PPM1B: variants seen among roughly 807,000 people sequenced by gnomAD.
PPM1B encodes protein phosphatase, Mg2+/Mn2+ dependent 1B.
Under a neutral mutation model 43.0 loss-of-function variants are expected in PPM1B, and 22 were observed. That is an observed-to-expected ratio of 0.51 (90% CI 0.37 to 0.73). The LOEUF is 0.73. Ranked by LOEUF, PPM1B falls within the 30% of genes least tolerant of loss-of-function variation. The pLI, the probability that PPM1B is intolerant of heterozygous loss-of-function variation, is 0.00. For synonymous variants in PPM1B, 217 were observed against 197.9 expected (o/e 1.10, Z -0.81); for missense variants, 632 against 584.2 (o/e 1.08, Z -0.84).
chr2:44,213,253 G>A (rs778469224), intron 3 of PPM1B, among the ~76,000 whole-genome samples: 1 of 150,014 alleles, frequency 6.7e-6, no homozygotes, highest in East Asian at 1.9e-4. Flanking sequence ...TCTTTTCTTT[G>A]TGGGAGGACT....
At chr2:44,228,733 C>G (rs572736088) in intron 5 of PPM1B, among the ~76,000 whole-genome samples, 1 of 152,144 alleles carries the variant, frequency 6.6e-6, no homozygotes, top group Non-Finnish European at 1.5e-5. Context: ...TATATTGTCT[C>G]TCTAGATTCA....
chr2:44,201,351 A>G lies in PPM1B; in HGVS notation c.152A>G (p.Glu51Gly), dbSNP rs1572714946. 1 of 1,614,128 alleles carries G rather than the reference A, an allele frequency of 6.2e-7. No homozygotes were observed. The highest frequency in any genetic ancestry group is 8.5e-7 in the Non-Finnish European group (1 of 1,180,010). Residue 51 changes from glutamate to glycine, a missense_variant, in exon 2 of 6, where the codon GAA (glutamate) becomes GGA (glycine). Coordinates refer to ENST00000282412, the MANE Select transcript of PPM1B (RefSeq NM_002706.6). This position sits in a 1 kb window ranked among gnomAD's most constrained non-coding sequence, Gnocchi z 5.4. ...TAVVGIPHGL[E>G]DWSFFAVYDG... Reference sequence around the variant, plus strand: ...GTTGTAGGTATTCCTCACGGCTTGGAAGACTGGTCATTTTTTGCAGTTTAT... The same window carrying G: ...GTTGTAGGTATTCCTCACGGCTTGGGAGACTGGTCATTTTTTGCAGTTTAT...
intron 1 of PPM1B, among the ~76,000 whole-genome samples, chr2:44,200,258 G>A (rs577253499): frequency 6.6e-6 from 1 of 152,308 alleles, no homozygotes; most frequent in African/African-American, 2.4e-5. Context: ...AGAGTGTAGG[G>A]TTAGCATTGT....
intron 3 of PPM1B, among the ~76,000 whole-genome samples, chr2:44,216,728 C>A (rs189185944): frequency 7.9e-5 from 12 of 151,788 alleles, no homozygotes; most frequent in Admixed American, 6.6e-5. Context: ...GAATTCAAGA[C>A]CAGCCTGGCC....
At chr2:44,236,749 C>A (rs150514583), downstream of PPM1B, among the ~76,000 whole-genome samples, 102 of 152,172 alleles carry the variant, frequency 6.7e-4, no homozygotes, top group African/African-American at 2.2e-3. Context: ...TTTTGCTGAC[C>A]AAATATTATT....
intron 1 of PPM1B, among the ~76,000 whole-genome samples, chr2:44,175,766 A>G (rs1667553549): frequency 6.6e-6 from 1 of 151,654 alleles, no homozygotes; most frequent in Non-Finnish European, 1.5e-5. Flanking sequence ...TGTGCCTTAG[A>G]GAAAGACATT....
At chr2:44,179,585 A>G (rs181131455) in intron 1 of PPM1B, among the ~76,000 whole-genome samples, 1 of 152,326 alleles carries the variant, frequency 6.6e-6, no homozygotes, top group East Asian at 1.9e-4. Flanking sequence ...AAAATCTTAC[A>G]GGCATAAATA....
downstream of PPM1B, chr2:44,232,282 A>G: frequency 6.3e-7 from 1 of 1,598,950 alleles, no homozygotes; most frequent in African/African-American, 1.4e-5. Flanking sequence ...TGGCATAGGT[A>G]AATAATAATA....
At chr2:44,170,624 T>C (rs1209493319) in intron 1 of PPM1B, among the ~76,000 whole-genome samples, 1 of 152,226 alleles carries the variant, frequency 6.6e-6, no homozygotes, top group African/African-American at 2.4e-5. Flanking sequence ...TGAATGTTAA[T>C]AGATGTTATT....
intron 5 of PPM1B, among the ~76,000 whole-genome samples, chr2:44,227,623 A>G (rs1307205883): frequency 2.6e-5 from 4 of 151,228 alleles, no homozygotes; most frequent in African/African-American, 7.3e-5. Flanking sequence ...AGTTCAAGCA[A>G]TTCTCCTGCC....
At position 44,231,006 on chromosome 2, in the gene PPM1B, ATAGAAT is replaced by A. The variant is rs1377863041; in HGVS notation, c.*294_*299del. On this transcript the variant is annotated 3_prime_UTR_variant, in exon 6 of 6. Transcript: ENST00000282412. Reference sequence around the variant, plus strand: ...AAGTCAGTAGTTAAATTAATACTAGATAGAATTAGAAATTTTGATTAGAGAGATTAT... The same window carrying A: ...AAGTCAGTAGTTAAATTAATACTAGATAGAAATTTTGATTAGAGAGATTAT... The A allele has an allele frequency of 1.0e-6, 1 of 989,584 alleles. No homozygotes were observed. The highest frequency in any genetic ancestry group is 1.7e-5 in the African/African-American group (1 of 57,636). The allele number at this position is 989,584 out of a possible 1,614,324, so 61.3% of individuals were successfully genotyped here. A position where few individuals can be genotyped will look rare whatever the true frequency, so the allele number is the denominator to read the frequency against.
rs147796326 is a variant in PPM1B, at chr2:44,201,577, G to T, written c.378G>T (p.Gly126=). 1.2e-6 allele frequency: 2 copies of T among 1,614,200 alleles called. No individual in the cohort carries two copies. Among genetic ancestry groups the T allele is most frequent in the Non-Finnish European group, 1.7e-6 (2 of 1,180,040 alleles). The change falls in exon 2 of 6, where the codon GGG becomes GGT. Residue 126 remains glycine (G), a synonymous_variant. Coordinates refer to ENST00000282412, the MANE Select transcript of PPM1B (RefSeq NM_002706.6). The surrounding 1 kb of genome is among the most constrained non-coding windows in gnomAD (Gnocchi z 5.4). ...YMRNFSDLRN[G]MDRSGSTAVG... ...GTAACTTTTCAGACCTCAGAAACGG[G>T]ATGGACAGGAGTGGTTCAACTGCAG...
At chr2:44,229,952 A>G (rs1371108714) in intron 5 of PPM1B, 1 of 1,482,842 alleles carries the variant, frequency 6.7e-7, no homozygotes, top group Non-Finnish European at 9.1e-7. Context: ...AATCTGTTTA[A>G]ATCTATATAG....
At chr2:44,233,419 A>C (rs1053492130), downstream of PPM1B, 1 of 980,988 alleles carries the variant, frequency 1.0e-6, no homozygotes, top group Non-Finnish European at 1.2e-6. Context: ...CTATTTTTAC[A>C]GTAACCTTGA....
intron 5 of PPM1B, chr2:44,230,065 CT>C: frequency 6.4e-7 from 1 of 1,551,270 alleles, no homozygotes; most frequent in Non-Finnish European, 8.7e-7. Context: ...CATTGATTTT[CT>C]TTTGTACTAA....
intron 1 of PPM1B, among the ~76,000 whole-genome samples, chr2:44,171,197 G>T (rs1667324523): frequency 6.6e-6 from 1 of 152,192 alleles, no homozygotes; most frequent in Non-Finnish European, 1.5e-5. Flanking sequence ...CTGGGTGTCT[G>T]ATTTCTGTGA....
At chr2:44,178,461 T>C (rs1287809841) in intron 1 of PPM1B, among the ~76,000 whole-genome samples, 5 of 102,444 alleles carry the variant, frequency 4.9e-5, no homozygotes, top group Non-Finnish European at 5.9e-5. Flanking sequence ...TGTATATATA[T>C]ATATATATAT....
At chr2:44,234,772 G>A (rs1312025787), downstream of PPM1B, 3 of 207,120 alleles carry the variant, frequency 1.4e-5, no homozygotes, top group African/African-American at 7.1e-5. Flanking sequence ...AGAAATTAAA[G>A]CTGAGAAATT....
chr2:44,201,224 A>C lies in PPM1B; in HGVS notation c.25A>C (p.Lys9Gln), dbSNP rs745339589. Residue 9 changes from lysine (K) to glutamine (Q), a missense_variant, in exon 2 of 6, where the codon AAA (lysine) becomes CAA (glutamine). Physicochemically the swap from Lys to Gln is moderately conservative, Grantham distance 53. Around this residue, in one of 3 missense-constraint regions of PPM1B, gnomAD observed 200 missense variants for 200.7 expected, o/e 1.00. Transcript: ENST00000282412. This position sits in a 1 kb window ranked among gnomAD's most constrained non-coding sequence, Gnocchi z 5.4. MGAFLDKP[K>Q]TEKHNAHGAG... ...CATGGGTGCATTTTTGGATAAACCC[A>C]AAACTGAAAAACATAATGCTCATGG... 2 of 1,595,894 alleles carry C rather than the reference A, an allele frequency of 1.3e-6. No individual in the cohort carries two copies. The highest frequency in any genetic ancestry group is 2.2e-5 in the East Asian group (1 of 44,498).
Sources: allele counts gnomAD v4.1 joint callset (sites outside exome capture counted in the v4.1 genomes callset), GRCh38; gene constraint gnomAD v4.1.1; regional missense constraint gnomAD v4.1.1; non-coding constraint Gnocchi (gnomAD v3.1); transcripts MANE v1.5; gene names NCBI Gene and HGNC (gene_info 2026-07-23, HGNC 2026-07-21).